The following RGS17 variants were observed in gnomAD, a reference collection of about 807,000 sequenced individuals.
The protein encoded by RGS17 is regulator of G protein signaling 17, also known as regulator of G-protein signaling 17.
A neutral mutation model predicts 25.5 loss-of-function variants in RGS17; 12 were observed. That is an observed-to-expected ratio of 0.47 (90% CI 0.30 to 0.76). RGS17 has a LOEUF of 0.76. Among genes scored for constraint, RGS17 ranks in the 30% least tolerant of loss-of-function variants. The pLI, the probability that RGS17 is intolerant of heterozygous loss-of-function variation, is 0.07. For missense variants in RGS17, 196 were observed against 242.2 expected (o/e 0.81, Z 1.27); for synonymous variants, 71 against 76.9 (o/e 0.92, Z 0.40).
At chr6:153,077,465 T>A (rs938115501) in intron 1 of RGS17, among the ~76,000 whole-genome samples, 1 of 152,230 alleles carries the variant, frequency 6.6e-6, no homozygotes, top group Non-Finnish European at 1.5e-5. Context: ...AAGTAGGAGA[T>A]GGCCTTTATT....
At chr6:153,087,381 A>T (rs1208516695) in intron 1 of RGS17, among the ~76,000 whole-genome samples, 2 of 152,200 alleles carry the variant, frequency 1.3e-5, no homozygotes, top group African/African-American at 4.8e-5. Flanking sequence ...AATAATGCTT[A>T]ATGTTTGACT....
intron 1 of RGS17, among the ~76,000 whole-genome samples, chr6:153,083,891 G>C (rs932514943): frequency 1.3e-5 from 2 of 152,104 alleles, no homozygotes; most frequent in African/African-American, 4.8e-5. Flanking sequence ...GCTTATTTTT[G>C]AAGACATACA....
intron 4 of RGS17, among the ~76,000 whole-genome samples, chr6:153,024,007 G>A (rs187333138): frequency 1.5e-4 from 23 of 152,308 alleles, no homozygotes; most frequent in Admixed American, 1.3e-3. Context: ...TGTTTAAGCA[G>A]GCTCCTTAGT....
At position 153,054,104 on chromosome 6, in the gene RGS17, ATATATATATGTG is replaced by A. The variant is rs1477280632; in HGVS notation, c.-25-10073_-25-10062del. Reference sequence around the variant, plus strand: ...CACACAATATTTTTTATATATATATATATATATATGTGTATATATATATATATACAGCTTTAT... The same window carrying A: ...CACACAATATTTTTTATATATATATATATATATATATATATACAGCTTTAT... On this transcript the variant is annotated intron_variant, in intron 1 of 4. Transcript: ENST00000206262. Among the ~76,000 whole-genome samples, 598 of 69,576 alleles carry A rather than the reference ATATATATATGTG, an allele frequency of 8.6e-3. 69 individuals carry two copies. Among genetic ancestry groups the A allele is most frequent in the East Asian group, 0.027 (36 of 1,346 alleles). The allele number at this position is 69,576 out of a possible 152,430, so 45.6% of individuals were successfully genotyped here.
chr6:153,013,887 A>C (rs1203278135), intron 4 of RGS17, among the ~76,000 whole-genome samples: 1 of 152,226 alleles, frequency 6.6e-6, no homozygotes, highest in Non-Finnish European at 1.5e-5. Flanking sequence ...GTAGGGAAAG[A>C]AGTTATCTCC....
rs1371960019 is a variant in RGS17, at chr6:153,020,109, A to AT, written c.444+4152_444+4153insA. Among the ~76,000 whole-genome samples, 398 of 60,790 alleles carry AT rather than the reference A, an allele frequency of 6.5e-3. 1 individual carries two copies. Among genetic ancestry groups the AT allele is most frequent in the Admixed American group, 8.1e-3 (35 of 4,324 alleles). 39.9% of individuals were successfully genotyped at this position (60,790 alleles called of 152,430 possible). Reference sequence around the variant, plus strand: ...CTAATTGCAAATATCTTAAAAAAAAAAAATATATATATATATATATATATA... The same window carrying AT: ...CTAATTGCAAATATCTTAAAAAAAAATAAATATATATATATATATATATATA... On this transcript the variant is annotated intron_variant, in intron 4 of 4. Coordinates refer to ENST00000206262, the MANE Select transcript of RGS17 (RefSeq NM_012419.5).
chr6:153,103,483 C>T (rs1248020759), intron 1 of RGS17, among the ~76,000 whole-genome samples: 2 of 152,166 alleles, frequency 1.3e-5, no homozygotes, highest in African/African-American at 2.4e-5. Context: ...GCTGCTACCA[C>T]CCTTTTCTCC....
At chr6:153,081,748 T>C (rs1776984935) in intron 1 of RGS17, among the ~76,000 whole-genome samples, 1 of 152,158 alleles carries the variant, frequency 6.6e-6, no homozygotes, top group Admixed American at 6.5e-5. Flanking sequence ...CATGTTACTC[T>C]TTTTGTTTTA....
intron 1 of RGS17, among the ~76,000 whole-genome samples, chr6:153,093,064 GAATT>G (rs1777155624): frequency 6.6e-6 from 1 of 152,098 alleles, no homozygotes; most frequent in Non-Finnish European, 1.5e-5. Flanking sequence ...TTATTATCAA[GAATT>G]AATTAGTCTG....
intron 2 of RGS17, among the ~76,000 whole-genome samples, chr6:153,038,795 C>T (rs967809089): frequency 6.6e-6 from 1 of 152,252 alleles, no homozygotes; most frequent in African/African-American, 2.4e-5. Flanking sequence ...GTGACAGCAT[C>T]AGAGGATAAA....
rs1779097986 is a variant in RGS17, at chr6:153,008,286, G to A, written c.*3288C>T. On this transcript the variant is annotated 3_prime_UTR_variant, in exon 5 of 5. Coordinates refer to ENST00000206262, the MANE Select transcript of RGS17 (RefSeq NM_012419.5). The stretch of plus-strand genomic sequence containing the variant: ...CTAATAAACATCCATGCACTAAGAC[G>A]GCATATCAGAACTGGTCATTCTATG... 1 of 151,668 alleles carries A rather than the reference G, an allele frequency of 6.6e-6. No individual in the cohort carries two copies. The highest frequency in any genetic ancestry group is 1.9e-4 in the East Asian group (1 of 5,168). 9.4% of individuals were successfully genotyped at this position (151,668 alleles called of 1,614,324 possible).
At chr6:153,013,468 G>C (rs1289870791) in intron 4 of RGS17, among the ~76,000 whole-genome samples, 2 of 152,044 alleles carry the variant, frequency 1.3e-5, no homozygotes, top group African/African-American at 2.4e-5. Context: ...CCCGCCAGTG[G>C]CCTCTAAGTG....
chr6:153,079,335 C>T (rs373072766), intron 1 of RGS17, among the ~76,000 whole-genome samples: 63 of 152,296 alleles, frequency 4.1e-4, no homozygotes, highest in African/African-American at 1.5e-3. Context: ...GCTTCTGCCT[C>T]CCAAAATGCT....
At position 153,009,251 on chromosome 6, in the gene RGS17, A is replaced by G. The variant is rs1779107268; in HGVS notation, c.*2323T>C. 4 of 152,140 alleles carry G rather than the reference A, an allele frequency of 2.6e-5. No homozygotes were observed. In the South Asian group the frequency reaches 8.3e-4, roughly 31 times the overall value. 9.4% of individuals were successfully genotyped at this position (152,140 alleles called of 1,614,324 possible). A position where few individuals can be genotyped will look rare whatever the true frequency, so the allele number is the denominator to read the frequency against. On this transcript the variant is annotated 3_prime_UTR_variant, in exon 5 of 5. Coordinates refer to ENST00000206262, the MANE Select transcript of RGS17 (RefSeq NM_012419.5). ...TCATATATAGTAACAACGAGAATAT[A>G]AAGTCTACATTTAAAAAGATGGATG... is the stretch of plus-strand genomic sequence containing the variant.
chr6:153,089,261 T>C (rs1777094416), intron 1 of RGS17, among the ~76,000 whole-genome samples: 1 of 151,812 alleles, frequency 6.6e-6, no homozygotes, highest in Non-Finnish European at 1.5e-5. Context: ...TTATTTCTTA[T>C]TAAGAGGTTT....
intron 4 of RGS17, among the ~76,000 whole-genome samples, chr6:153,013,088 G>A (rs562925585): frequency 1.3e-5 from 2 of 152,164 alleles, no homozygotes; most frequent in Non-Finnish European, 2.9e-5. Context: ...CGCAGATACT[G>A]CGTTTGTTAC....
chr6:153,030,381 A>T (rs1418915714), intron 2 of RGS17, among the ~76,000 whole-genome samples: 1 of 152,220 alleles, frequency 6.6e-6, no homozygotes, highest in East Asian at 1.9e-4. Context: ...GTTGCAAAGA[A>T]GATAAAACTT....
rs1777771895 is a variant in RGS17 at position 153,130,537 on chromosome 6, G to C, written c.-26+587C>G. ...CTCCGGTATTTTACTGCTGGTCAAA[G>C]GATTCATTTTCGCAACCTCTTCTTC... On this transcript the variant is annotated intron_variant, in intron 1 of 4. Coordinates refer to ENST00000206262, the MANE Select transcript of RGS17 (RefSeq NM_012419.5). This position sits in a 1 kb window ranked among gnomAD's most constrained non-coding sequence, Gnocchi z 6.4. Among the ~76,000 whole-genome samples the C allele has an allele frequency of 6.6e-6, 1 of 151,744 alleles. No homozygotes were observed. Among genetic ancestry groups the C allele is most frequent in the African/African-American group, 2.4e-5 (1 of 41,268 alleles).
rs1779071767 is a variant in RGS17, at chr6:153,006,108, C to G, written c.*5466G>C. The G allele has an allele frequency of 6.6e-6, 1 of 152,212 alleles. No individual in the cohort carries two copies. Among genetic ancestry groups the G allele is most frequent in the African/African-American group, 2.4e-5 (1 of 41,464 alleles). 9.4% of individuals were successfully genotyped at this position (152,212 alleles called of 1,614,324 possible). ...TCAAGTGATCCTCACGCCTTAGTCT[C>G]CCAAAGTGCTGGGATTGTATGCGTG... On this transcript the variant is annotated 3_prime_UTR_variant, in exon 5 of 5. Coordinates refer to ENST00000206262, the MANE Select transcript of RGS17 (RefSeq NM_012419.5).
Sources: gnomAD v4.1 joint callset for allele counts (sites outside exome capture counted in the v4.1 genomes callset) on GRCh38, gnomAD v4.1.1 for gene constraint, Gnocchi (gnomAD v3.1) non-coding constraint, MANE v1.5 for transcripts, NCBI Gene and HGNC (gene_info 2026-07-23, HGNC 2026-07-21) for gene names.